The following ZNF469 variants were observed in gnomAD, a reference collection of about 807,000 sequenced individuals.
ZNF469 encodes zinc finger protein 469.
A neutral mutation model predicts 1.0 loss-of-function variants in ZNF469; 1 was observed. The ratio of observed to expected loss-of-function variants is 1.00; its 90% confidence interval spans 0.35 to 4.73. The LOEUF (loss-of-function observed/expected upper bound fraction) is 4.73, where lower values mean the gene tolerates loss of function less well. Among genes scored for constraint, ZNF469 ranks in the 30% most tolerant of loss-of-function variants. The pLI, the probability that ZNF469 is intolerant of heterozygous loss-of-function variation, is 0.16. For synonymous variants in ZNF469, 2,703 were observed against 2,363.4 expected (o/e 1.14, Z -4.17); for missense variants, 6,100 against 5,356.3 (o/e 1.14, Z -4.33).
chr16:88,189,192 A>G, the ZNF469 span, among the ~76,000 whole-genome samples: 1 of 152,370 alleles, frequency 6.6e-6, no homozygotes, highest in East Asian at 1.9e-4. The surrounding 1 kb of genome is among the most constrained non-coding windows in gnomAD (Gnocchi z 4.3). Flanking sequence ...TCCCAAGTGC[A>G]GAGCTGCCAC....
At chr16:88,349,164 C>G in the ZNF469 span, among the ~76,000 whole-genome samples, 1 of 152,166 alleles carries the variant, frequency 6.6e-6, no homozygotes, top group Non-Finnish European at 1.5e-5. Flanking sequence ...ACCAGCACCT[C>G]GGTTCCAGAC....
chr16:88,292,414 G>A, the ZNF469 span, among the ~76,000 whole-genome samples: 1 of 152,136 alleles, frequency 6.6e-6, no homozygotes. Flanking sequence ...GCATCTATAG[G>A]CCTCCACCCT....
upstream of ZNF469, among the ~76,000 whole-genome samples, chr16:88,379,736 A>C (rs944358516): frequency 2.6e-5 from 4 of 152,154 alleles, no homozygotes; most frequent in Non-Finnish European, 5.9e-5. Context: ...GGGTTAGTCA[A>C]AGCAGGTGGG....
the ZNF469 span, among the ~76,000 whole-genome samples, chr16:88,222,892 C>A: frequency 7.9e-5 from 12 of 152,362 alleles, no homozygotes; most frequent in Middle Eastern, 3.4e-3. Context: ...GGCCACCACA[C>A]TCATCCCAAA....
At chr16:88,260,830 C>T in the ZNF469 span, among the ~76,000 whole-genome samples, 2 of 152,092 alleles carry the variant, frequency 1.3e-5, no homozygotes, top group Non-Finnish European at 2.9e-5. The surrounding 1 kb of genome is among the most constrained non-coding windows in gnomAD (Gnocchi z 4.1). Flanking sequence ...TGTTCTGAAC[C>T]ATGGTGGGGC....
chr16:88,426,376 G>A (rs1415691379), intron 2 of ZNF469, among the ~76,000 whole-genome samples: 6 of 152,388 alleles, frequency 3.9e-5, no homozygotes, highest in African/African-American at 1.4e-4. Flanking sequence ...AAGTCAGAAG[G>A]GGCCCCCACA....
At position 88,428,746 on chromosome 16, in the gene ZNF469, G is replaced by A. The variant is rs1211886658; in HGVS notation, c.1276G>A (p.Glu426Lys). 42 of 1,546,196 alleles carry A rather than the reference G, an allele frequency of 2.7e-5. No individual in the cohort carries two copies. In the East Asian group the frequency reaches 7.3e-4, roughly 27 times the overall value. ...CACCAGCCCGGGGCCTCCGGACACC[G>A]AGCTGGCCGCCCCAGGGCCCCCACC... ...VDTSPGPPDT[E>K]LAAPGPPPAR... The change falls in exon 3 of 3, where the codon GAG becomes AAG. Residue 426 changes from glutamate to lysine, a missense_variant. Glu to Lys is a moderately conservative substitution (Grantham distance 56). Transcript: ENST00000565624.
At chr16:88,146,553 A>G in the ZNF469 span, among the ~76,000 whole-genome samples, 3 of 151,998 alleles carry the variant, frequency 2.0e-5, no homozygotes, top group South Asian at 6.2e-4. Context: ...GCTCCTGGGA[A>G]AGAATCTGGT....
chr16:88,384,042 G>C (rs868659658), intron 1 of ZNF469, among the ~76,000 whole-genome samples: 4 of 152,366 alleles, frequency 2.6e-5, no homozygotes, highest in Admixed American at 6.5e-5. Flanking sequence ...GGGGGCGGGG[G>C]GGCAGCTCAG....
At chr16:88,135,936 A>G in the ZNF469 span, among the ~76,000 whole-genome samples, 2 of 150,900 alleles carry the variant, frequency 1.3e-5, no homozygotes, top group African/African-American at 2.4e-5. Flanking sequence ...AATTTTTTGT[A>G]TTTTAGTAGA....
chr16:88,247,685 A>ATGAG, the ZNF469 span, among the ~76,000 whole-genome samples: 2 of 151,462 alleles, frequency 1.3e-5, no homozygotes, highest in Non-Finnish European at 2.9e-5. Flanking sequence ...GAATGACTGA[A>ATGAG]TGAGTGAGTG....
In ZNF469 at chr16:88,429,204, G is replaced by T; in HGVS notation, c.1734G>T (p.Leu578=). Residue 578 remains leucine, a synonymous_variant, in exon 3 of 3, where the codon CTG becomes CTT. Coordinates refer to ENST00000565624, the MANE Select transcript of ZNF469 (RefSeq NM_001367624.2). The stretch of plus-strand genomic sequence containing the variant: ...TTTCACCCCACGGGACACCCAGCCT[G>T]CCCCCACCGAGGGTAGTGGGAGCCT... ...PQVSPHGTPS[L]PPPRVVGASP... The T allele has an allele frequency of 6.5e-7, 1 of 1,549,816 alleles. No homozygotes were observed. The highest frequency in any genetic ancestry group is 8.7e-7 in the Non-Finnish European group (1 of 1,146,814).
chr16:88,120,282 C>T, the ZNF469 span, among the ~76,000 whole-genome samples: 1 of 152,348 alleles, frequency 6.6e-6, no homozygotes, highest in African/African-American at 2.4e-5. Flanking sequence ...CTTGCTTTCT[C>T]TGGGGTCCTT....
intron 1 of ZNF469, among the ~76,000 whole-genome samples, chr16:88,391,456 T>A (rs1482396660): frequency 6.6e-6 from 1 of 152,182 alleles, no homozygotes; most frequent in Non-Finnish European, 1.5e-5. Flanking sequence ...TTCAGGGCCA[T>A]CGTTTTGGAC....
chr16:88,316,805 C>T, the ZNF469 span, among the ~76,000 whole-genome samples: 1 of 152,084 alleles, frequency 6.6e-6, no homozygotes, highest in South Asian at 2.1e-4. Flanking sequence ...CCTCAGCCTC[C>T]CAAAGTGCTG....
At chr16:88,111,493 T>G in the ZNF469 span, among the ~76,000 whole-genome samples, 1 of 132,840 alleles carries the variant, frequency 7.5e-6, no homozygotes, top group African/African-American at 2.9e-5. Context: ...GTCTTATGCA[T>G]TTCTTCTGTC....
chr16:88,105,429 C>G, the ZNF469 span, among the ~76,000 whole-genome samples: 3 of 151,808 alleles, frequency 2.0e-5, no homozygotes, highest in South Asian at 6.2e-4. Flanking sequence ...CTCAGTCTCC[C>G]AGGTAGCTGG....
intron 1 of ZNF469, among the ~76,000 whole-genome samples, chr16:88,397,055 G>A (rs1904704268): frequency 6.6e-6 from 1 of 151,814 alleles, no homozygotes; most frequent in Non-Finnish European, 1.5e-5. Context: ...GACAGGCCGG[G>A]AGGAGACCCT....
At chr16:88,102,318 G>C in the ZNF469 span, among the ~76,000 whole-genome samples, 1 of 152,158 alleles carries the variant, frequency 6.6e-6, no homozygotes, top group Non-Finnish European at 1.5e-5. Flanking sequence ...GAAGTTCGTA[G>C]AGCAGCCTGG....
Sources: allele counts gnomAD v4.1 joint callset (sites outside exome capture counted in the v4.1 genomes callset), GRCh38; gene constraint gnomAD v4.1.1; non-coding constraint Gnocchi (gnomAD v3.1); transcripts MANE v1.5; gene names NCBI Gene and HGNC (gene_info 2026-07-23, HGNC 2026-07-21).